The following CLASP1 variants were observed in gnomAD, a reference collection of about 807,000 sequenced individuals.
CLASP1 encodes CLIP-associating protein 1.
In CLASP1, 38 loss-of-function variants were observed where a neutral mutation model predicts 192.3. That is an observed-to-expected ratio of 0.20 (90% CI 0.15 to 0.26). CLASP1 has a LOEUF of 0.26. Among genes scored for constraint, CLASP1 ranks in the 10% least tolerant of loss-of-function variants. The pLI is 1.00. For synonymous variants in CLASP1, 691 were observed against 712.8 expected, an observed-to-expected ratio of 0.97 and a Z score of 0.49; for missense variants, 1,433 against 1,932.5, an observed-to-expected ratio of 0.74 and a Z score of 4.85.
At chr2:121,397,396 C>T in intron 29 of CLASP1, 113 bp from the exon 31 acceptor site, 2 of 850,990 alleles carry the variant, frequency 2.4e-6, no homozygotes, top group Non-Finnish European at 3.6e-6. Flanking sequence ...TCCTTCCTTT[C>T]TCCTGTATCG....
chr2:121,454,662 T>A (rs1454610754), intron 14 of CLASP1, among the ~76,000 whole-genome samples: 1 of 152,176 alleles, frequency 6.6e-6, no homozygotes, highest in East Asian at 1.9e-4. Context: ...GAGAAATAAA[T>A]CTGTTGTTCA....
At chr2:121,570,937 C>G (rs1424002955) in intron 2 of CLASP1, among the ~76,000 whole-genome samples, 2 of 151,982 alleles carry the variant, frequency 1.3e-5, no homozygotes, top group Non-Finnish European at 2.9e-5. Flanking sequence ...GAAAGTCACC[C>G]ACGGGATTTG....
intron 19 of CLASP1, among the ~76,000 whole-genome samples, chr2:121,439,116 G>A (rs1344669570): frequency 8.0e-4 from 121 of 151,216 alleles, no homozygotes; most frequent in East Asian, 2.3e-3. Flanking sequence ...GTTTATTTGC[G>A]TAGAGGTGTT....
At chr2:121,602,819 AAAGACCTAAATGT>A (rs1422767751) in intron 2 of CLASP1, among the ~76,000 whole-genome samples, 2 of 152,326 alleles carry the variant, frequency 1.3e-5, no homozygotes, top group East Asian at 3.9e-4. Context: ...TAAATGGATC[AAAGACCTAAATGT>A]AAGACCCAAA....
intron 2 of CLASP1, among the ~76,000 whole-genome samples, chr2:121,566,910 A>G (rs1559630883): frequency 1.3e-5 from 2 of 152,204 alleles, no homozygotes; most frequent in Non-Finnish European, 2.9e-5. Flanking sequence ...GAACCCTCAG[A>G]GCCTGCTTAA....
intron 8 of CLASP1, among the ~76,000 whole-genome samples, chr2:121,479,015 A>C (rs1575289505): frequency 1.8e-4 from 8 of 45,040 alleles, no homozygotes; most frequent in South Asian, 8.3e-4. Context: ...ACACACACAC[A>C]CCACACACAC....
intron 2 of CLASP1, among the ~76,000 whole-genome samples, chr2:121,535,388 T>C (rs891739560): frequency 6.6e-6 from 1 of 152,232 alleles, no homozygotes; most frequent in Non-Finnish European, 1.5e-5. Flanking sequence ...TAAAGTTACA[T>C]AGGTTAAACA....
intron 14 of CLASP1, among the ~76,000 whole-genome samples, chr2:121,455,620 C>G (rs752582227): frequency 4.6e-5 from 7 of 152,212 alleles, no homozygotes; most frequent in Non-Finnish European, 1.0e-4. Context: ...AGGCTTAGTG[C>G]AGTGGCTCAC....
chr2:121,521,960 G>A (rs974265290), intron 6 of CLASP1, among the ~76,000 whole-genome samples: 1 of 152,178 alleles, frequency 6.6e-6, no homozygotes, highest in East Asian at 1.9e-4. Context: ...TCAGAGACTA[G>A]TAGGAAAGAT....
chr2:121,344,890 G>C (rs1001271913), intron 39 of CLASP1, among the ~76,000 whole-genome samples: 3 of 152,152 alleles, frequency 2.0e-5, no homozygotes, highest in African/African-American at 7.2e-5. Context: ...AGACACGGTG[G>C]CTCACACCTG....
intron 7 of CLASP1, among the ~76,000 whole-genome samples, chr2:121,507,275 T>C (rs919610459): frequency 2.0e-5 from 3 of 152,126 alleles, no homozygotes; most frequent in African/African-American, 7.2e-5. Flanking sequence ...ACAGAAATTC[T>C]GGAGATGAAA....
chr2:121,505,321 C>T (rs1026597740), intron 7 of CLASP1: 2 of 152,198 alleles, frequency 1.3e-5, no homozygotes, highest in Admixed American at 6.5e-5. Context: ...GGTCACATTA[C>T]CCACGACCTG....
At chr2:121,441,087 C>T (rs1299230054) in intron 19 of CLASP1, among the ~76,000 whole-genome samples, 3 of 152,182 alleles carry the variant, frequency 2.0e-5, no homozygotes, top group Admixed American at 6.5e-5. Flanking sequence ...GAGAAATTCA[C>T]CCTGCGTACC....
chr2:121,620,547 A>G (rs1294424849), intron 1 of CLASP1, among the ~76,000 whole-genome samples: 1 of 151,986 alleles, frequency 6.6e-6, no homozygotes, highest in East Asian at 2.0e-4. Context: ...ACGGGGTTTC[A>G]CCATATTGGC....
chr2:121,400,593 T>G lies in CLASP1; in HGVS notation c.2900+916A>C, dbSNP rs1381714751. Among the ~76,000 whole-genome samples, 5 of 152,328 alleles carry G rather than the reference T, an allele frequency of 3.3e-5. No homozygotes were observed. The East Asian group carries it at 9.6e-4, about 29-fold the overall frequency. On this transcript the variant is annotated intron_variant, in intron 28 of 39. Transcript: ENST00000263710. ...CTGCAACAATAAAAACAGACAACAG[T>G]GCAATCTTCAGAAATCCTGGATTTG...
intron 8 of CLASP1, among the ~76,000 whole-genome samples, chr2:121,473,155 A>G (rs749706446): frequency 1.0e-4 from 15 of 150,576 alleles, no homozygotes; most frequent in Non-Finnish European, 1.8e-4. Context: ...AAAAAATCAG[A>G]AAATAGTAAA....
intron 8 of CLASP1, among the ~76,000 whole-genome samples, chr2:121,489,290 A>C (rs1333170863): frequency 2.0e-5 from 3 of 152,242 alleles, no homozygotes; most frequent in African/African-American, 4.8e-5. Context: ...CTCAATTTAA[A>C]AATATGAGCA....
chr2:121,480,646 G>C (rs1178178205), intron 8 of CLASP1, among the ~76,000 whole-genome samples: 1 of 152,168 alleles, frequency 6.6e-6, no homozygotes. Context: ...GTGTGAAAAA[G>C]GATGATCCTG....
intron 19 of CLASP1, among the ~76,000 whole-genome samples, chr2:121,444,547 C>T (rs1033330419): frequency 1.3e-5 from 2 of 152,014 alleles, no homozygotes; most frequent in African/African-American, 4.8e-5. Context: ...GAGAGGCCCA[C>T]AAAAGCACAA....
Sources: allele counts gnomAD v4.1 joint callset (sites outside exome capture counted in the v4.1 genomes callset), GRCh38; gene constraint gnomAD v4.1.1; transcripts MANE v1.5; gene names NCBI Gene and HGNC (gene_info 2026-07-23, HGNC 2026-07-21).